Variants in NCOA7 observed in about 807,000 individuals in gnomAD.
The protein encoded by NCOA7 is nuclear receptor coactivator 7.
Under a neutral mutation model 104.3 loss-of-function variants are expected in NCOA7, and 45 were observed. That is an observed-to-expected ratio of 0.43 (90% CI 0.34 to 0.55). The LOEUF (loss-of-function observed/expected upper bound fraction) is 0.55, where lower values mean the gene tolerates loss of function less well. NCOA7 is among the 20% of genes least tolerant of loss of function. The pLI is 0.02. For synonymous variants in NCOA7, 398 were observed against 402.3 expected (o/e 0.99, Z 0.13); for missense variants, 1,041 against 1,119.7 (o/e 0.93, Z 1.00).
rs1780489617 is a variant in NCOA7 at position 125,845,148 on chromosome 6, A to T, written c.51-9872A>T. On this transcript the variant is annotated intron_variant, in intron 2 of 15. Transcript: ENST00000392477. ...AGGTGGCAGAAGTCAGAATTAGACG[A>T]CCAGGAAAAAACAGCCTAGGCCCTG... Among the ~76,000 whole-genome samples, 3 of 152,172 alleles carry T rather than the reference A, an allele frequency of 2.0e-5. No individual in the cohort carries two copies. In the South Asian group the frequency reaches 6.2e-4, roughly 31 times the overall value.
intron 1 of NCOA7, among the ~76,000 whole-genome samples, chr6:125,814,224 G>A (rs1777361374): frequency 6.6e-6 from 1 of 151,810 alleles, no homozygotes; most frequent in Non-Finnish European, 1.5e-5. Context: ...GTGCCATCTT[G>A]GCTCACTGCA....
chr6:125,926,511 T>C (rs1788049329), intron 13 of NCOA7, among the ~76,000 whole-genome samples: 1 of 152,174 alleles, frequency 6.6e-6, no homozygotes, highest in African/African-American at 2.4e-5. Flanking sequence ...TGTATTCTGG[T>C]TCTTTTTTTT....
intron 2 of NCOA7, among the ~76,000 whole-genome samples, chr6:125,851,465 T>C (rs993757208): frequency 6.6e-6 from 1 of 152,224 alleles, no homozygotes; most frequent in Non-Finnish European, 1.5e-5. Context: ...GTCCATGGTG[T>C]ATATAGACCA....
At chr6:125,803,338 C>G (rs1025284269) in intron 1 of NCOA7, among the ~76,000 whole-genome samples, 1 of 152,108 alleles carries the variant, frequency 6.6e-6, no homozygotes. Context: ...TTATGTAAAT[C>G]TTATCTCCCT....
At chr6:125,851,490 A>G (rs978889924) in intron 2 of NCOA7, among the ~76,000 whole-genome samples, 3 of 151,992 alleles carry the variant, frequency 2.0e-5, no homozygotes, top group African/African-American at 7.2e-5. Flanking sequence ...TTCTTTATCC[A>G]CTCATCAGTT....
intron 10 of NCOA7, among the ~76,000 whole-genome samples, chr6:125,895,651 C>T (rs1030268729): frequency 9.2e-5 from 14 of 152,110 alleles, no homozygotes; most frequent in African/African-American, 2.9e-4. Context: ...TAGTGCTGGC[C>T]ATCTCTGCTT....
At chr6:125,905,658 T>TAGAAGAAGTTCAGGAATGAAA (rs1785933175) in intron 10 of NCOA7, among the ~76,000 whole-genome samples, 1 of 152,194 alleles carries the variant, frequency 6.6e-6, no homozygotes, top group South Asian at 2.1e-4. Context: ...AAAATCAGAA[T>TAGAAGAAGTTCAGGAATGAAA]AGAAGAGTTC....
At chr6:125,789,899 G>C (rs970014656), upstream of NCOA7, among the ~76,000 whole-genome samples, 1 of 152,168 alleles carries the variant, frequency 6.6e-6, no homozygotes, top group Non-Finnish European at 1.5e-5. Context: ...ATTTTTCTGC[G>C]TATAAGAGTG....
At chr6:125,888,098 C>CAA (rs1784380706) in intron 8 of NCOA7, among the ~76,000 whole-genome samples, 1 of 151,892 alleles carries the variant, frequency 6.6e-6, no homozygotes, top group Non-Finnish European at 1.5e-5. Flanking sequence ...CATGTAATTC[C>CAA]GATCTGGGAA....
chr6:125,804,466 T>A (rs1189129506), intron 1 of NCOA7, among the ~76,000 whole-genome samples: 5 of 152,108 alleles, frequency 3.3e-5, no homozygotes, highest in African/African-American at 1.2e-4. Context: ...TACCCAGTAG[T>A]GATTGATGGT....
intron 2 of NCOA7, among the ~76,000 whole-genome samples, chr6:125,830,737 ATGTG>A (rs890797445): frequency 3.2e-4 from 30 of 93,044 alleles, no homozygotes; most frequent in African/African-American, 1.1e-3. Flanking sequence ...ATATATATAT[ATGTG>A]TGTGTGTGTG....
chr6:125,875,244 A>AG (rs1318146300), intron 4 of NCOA7: 3 of 314,780 alleles, frequency 9.5e-6, no homozygotes. Context: ...CTGGCTGACT[A>AG]GGCAGGTATC....
chr6:125,875,069 T>C, intron 4 of NCOA7, 101 bp downstream of exon 4: 1 of 827,642 alleles, frequency 1.2e-6, no homozygotes, highest in Non-Finnish European at 2.0e-6. Context: ...TCCTCTTGTG[T>C]ACCCATTAAA....
intron 2 of NCOA7, among the ~76,000 whole-genome samples, chr6:125,825,696 G>A (rs779627849): frequency 2.0e-5 from 3 of 152,152 alleles, no homozygotes; most frequent in Non-Finnish European, 4.4e-5. Context: ...AAGGTCACTG[G>A]GGACTGAGCA....
chr6:125,916,247 T>G (rs957551025), intron 11 of NCOA7, among the ~76,000 whole-genome samples: 1 of 152,214 alleles, frequency 6.6e-6, no homozygotes, highest in African/African-American at 2.4e-5. Flanking sequence ...TTACCTCTCC[T>G]TTGCCTTCTG....
At chr6:125,877,847 A>C (rs1783504411) in intron 4 of NCOA7, among the ~76,000 whole-genome samples, 1 of 152,216 alleles carries the variant, frequency 6.6e-6, no homozygotes, top group South Asian at 2.1e-4. Flanking sequence ...ACAAGCCAGC[A>C]GTTTATAGTA....
intron 3 of NCOA7, among the ~76,000 whole-genome samples, chr6:125,872,243 G>C (rs898231924): frequency 2.6e-5 from 4 of 152,100 alleles, no homozygotes; most frequent in African/African-American, 9.7e-5. Flanking sequence ...ATCCTGAAAG[G>C]CTCAGCAAAC....
Position 125,926,140 on chromosome 6 carries a change from G to A in NCOA7, c.2524-1523G>A, listed in dbSNP as rs147427651. 8.8e-3 allele frequency among the ~76,000 whole-genome samples: 1,345 copies of A among 152,004 alleles called. 11 individuals carry two copies. The highest frequency in any genetic ancestry group is 0.013 in the Non-Finnish European group (863 of 67,964). The stretch of plus-strand genomic sequence containing the variant: ...AGCCTGACCAACGTGGTGAAACCCC[G>A]TCTCTACTAAAAGTACAAAAATTAG... On this transcript the variant is annotated intron_variant, in intron 13 of 15. Coordinates refer to ENST00000392477, the MANE Select transcript of NCOA7 (RefSeq NM_181782.5).
intron 1 of NCOA7, among the ~76,000 whole-genome samples, chr6:125,784,114 A>G (rs1206579137): frequency 6.6e-6 from 1 of 152,208 alleles, no homozygotes; most frequent in African/African-American, 2.4e-5. Flanking sequence ...TAGAAGAAAA[A>G]TCATGGCATC....
Sources: gnomAD v4.1 joint callset for allele counts (sites outside exome capture counted in the v4.1 genomes callset) on GRCh38, gnomAD v4.1.1 for gene constraint, MANE v1.5 for transcripts, NCBI Gene and HGNC (gene_info 2026-07-23, HGNC 2026-07-21) for gene names.